The following STK32A variants were observed in gnomAD, a reference collection of about 807,000 sequenced individuals.
STK32A encodes the protein serine/threonine-protein kinase 32A.
STK32A carries 41 observed loss-of-function variants against 53.2 expected under a neutral mutation model. The observed-to-expected ratio is 0.77, with a 90% CI of 0.60 to 1.00. STK32A has a LOEUF of 1.00. STK32A is among the 50% of genes least tolerant of loss of function. The pLI, the probability that STK32A is intolerant of heterozygous loss-of-function variation, is 0.00. For missense variants in STK32A, 458 were observed against 485.8 expected (o/e 0.94, Z 0.54); for synonymous variants, 166 against 162.8 (o/e 1.02, Z -0.15).
intron 10 of STK32A, among the ~76,000 whole-genome samples, chr5:147,374,812 C>G (rs1001017326): frequency 6.6e-6 from 1 of 152,036 alleles, no homozygotes; most frequent in African/African-American, 2.4e-5. Flanking sequence ...AGCGCACTTT[C>G]GGAAACATAA....
intron 4 of STK32A, among the ~76,000 whole-genome samples, chr5:147,314,815 G>C (rs1000683828): frequency 4.0e-5 from 6 of 149,286 alleles, no homozygotes; most frequent in African/African-American, 1.5e-4. Flanking sequence ...CATGAAAATG[G>C]CTCACTGCAG....
chr5:147,327,125 T>A (rs1754635717), intron 5 of STK32A, among the ~76,000 whole-genome samples: 1 of 152,204 alleles, frequency 6.6e-6, no homozygotes, highest in Non-Finnish European at 1.5e-5. Flanking sequence ...TTAAAAAGTG[T>A]ACATGGTAAA....
intron 2 of STK32A, among the ~76,000 whole-genome samples, chr5:147,244,263 C>T (rs1471607512): frequency 6.6e-6 from 1 of 152,186 alleles, no homozygotes; most frequent in Non-Finnish European, 1.5e-5. Flanking sequence ...GGATATACCA[C>T]ATTTTGTTTA....
intron 7 of STK32A, among the ~76,000 whole-genome samples, chr5:147,354,868 T>C (rs536069103): frequency 6.6e-6 from 1 of 152,362 alleles, no homozygotes; most frequent in South Asian, 2.1e-4. Context: ...GTCAACTTAG[T>C]TAGGCTAACA....
downstream of STK32A, among the ~76,000 whole-genome samples, chr5:147,388,926 G>C (rs1475112844): frequency 6.6e-6 from 1 of 152,242 alleles, no homozygotes; most frequent in East Asian, 1.9e-4. Context: ...CTGCTGCCTC[G>C]GTCATGAGCA....
intron 1 of STK32A, among the ~76,000 whole-genome samples, chr5:147,236,235 A>G (rs1753310902): frequency 6.6e-6 from 1 of 152,160 alleles, no homozygotes; most frequent in Non-Finnish European, 1.5e-5. Flanking sequence ...CCCAGTTAAT[A>G]ATCTGATAAT....
At chr5:147,309,651 T>G (rs947730090) in intron 4 of STK32A, among the ~76,000 whole-genome samples, 2 of 152,182 alleles carry the variant, frequency 1.3e-5, no homozygotes, top group Non-Finnish European at 2.9e-5. Context: ...TTGGGGAAAC[T>G]TAAAGAATCG....
intron 2 of STK32A, among the ~76,000 whole-genome samples, chr5:147,247,913 C>T (rs1416094179): frequency 6.6e-6 from 1 of 151,880 alleles, no homozygotes; most frequent in East Asian, 1.9e-4. Context: ...CCTGAGGTCA[C>T]GAGTTCGAGA....
intron 2 of STK32A, among the ~76,000 whole-genome samples, chr5:147,245,150 T>G (rs1753725884): frequency 6.6e-6 from 1 of 152,184 alleles, no homozygotes; most frequent in Non-Finnish European, 1.5e-5. Context: ...TTTATCCCCC[T>G]GAGGTTATTG....
At chr5:147,250,484 CTTG>C (rs1253032987) in intron 2 of STK32A, among the ~76,000 whole-genome samples, 2 of 152,156 alleles carry the variant, frequency 1.3e-5, no homozygotes, top group Non-Finnish European at 2.9e-5. Flanking sequence ...CAACACTACT[CTTG>C]TTGTAGTTCA....
intron 2 of STK32A, among the ~76,000 whole-genome samples, chr5:147,273,686 C>T (rs1395440994): frequency 2.6e-5 from 4 of 152,112 alleles, no homozygotes; most frequent in Non-Finnish European, 5.9e-5. Flanking sequence ...GGTACCCACA[C>T]AAAGGAGATA....
At chr5:147,344,985 T>C (rs376754895) in intron 6 of STK32A, among the ~76,000 whole-genome samples, 108 of 152,346 alleles carry the variant, frequency 7.1e-4, no homozygotes, top group African/African-American at 2.4e-3. Flanking sequence ...CCTCATTTTC[T>C]TGGTGACTTG....
chr5:147,320,886 T>C (rs552523447), intron 4 of STK32A, among the ~76,000 whole-genome samples: 3 of 152,262 alleles, frequency 2.0e-5, no homozygotes, highest in African/African-American at 4.8e-5. Context: ...CCAGGCCTCA[T>C]AGGTTTCTGT....
At chr5:147,318,449 T>C (rs777461468) in intron 4 of STK32A, among the ~76,000 whole-genome samples, 2 of 151,860 alleles carry the variant, frequency 1.3e-5, no homozygotes, top group Non-Finnish European at 2.9e-5. Flanking sequence ...TTCGAGTGTA[T>C]CCATAAAGTT....
chr5:147,331,622 A>G (rs866843453), intron 5 of STK32A, among the ~76,000 whole-genome samples: 2 of 152,232 alleles, frequency 1.3e-5, no homozygotes, highest in East Asian at 3.8e-4. Flanking sequence ...CCAGTGCCTC[A>G]GACTGTCATC....
At chr5:147,297,518 A>T (rs1265723285) in intron 4 of STK32A, among the ~76,000 whole-genome samples, 1 of 152,194 alleles carries the variant, frequency 6.6e-6, no homozygotes, top group Non-Finnish European at 1.5e-5. Flanking sequence ...CCTTCAGGAG[A>T]TCCAAGCAGG....
chr5:147,361,165 T>C (rs1756486709), intron 7 of STK32A, among the ~76,000 whole-genome samples: 1 of 152,154 alleles, frequency 6.6e-6, no homozygotes. Flanking sequence ...GTTGAAACCT[T>C]CCCAATCAAA....
intron 2 of STK32A, among the ~76,000 whole-genome samples, chr5:147,244,239 G>A (rs974753418): frequency 3.3e-5 from 5 of 152,106 alleles, no homozygotes; most frequent in African/African-American, 1.2e-4. Context: ...AGTCTGAGTC[G>A]TATTCCATTG....
chr5:147,378,995 T>C (rs1757348096), intron 11 of STK32A, among the ~76,000 whole-genome samples: 1 of 151,830 alleles, frequency 6.6e-6, no homozygotes, highest in South Asian at 2.1e-4. Flanking sequence ...GGAATAGCAT[T>C]GAATCTATAA....
Sources: allele counts gnomAD v4.1 joint callset (sites outside exome capture counted in the v4.1 genomes callset), GRCh38; gene constraint gnomAD v4.1.1; transcripts MANE v1.5; gene names NCBI Gene and HGNC (gene_info 2026-07-23, HGNC 2026-07-21).